LDB3: variants seen among roughly 807,000 people sequenced by gnomAD.
The protein encoded by LDB3 is LIM domain binding 3.
In LDB3, 49 loss-of-function variants were observed where a neutral mutation model predicts 69.0. The observed-to-expected ratio is 0.71, with a 90% confidence interval of 0.56 to 0.90. The LOEUF is 0.90. Ranked by LOEUF, LDB3 falls within the 40% of genes least tolerant of loss-of-function variation. The pLI, the probability that LDB3 is intolerant of heterozygous loss-of-function variation, is 0.00. For synonymous variants in LDB3, 387 were observed against 396.2 expected (o/e 0.98, Z 0.28); for missense variants, 928 against 974.1 (o/e 0.95, Z 0.63).
rs1175294794 is a variant in LDB3, at chr10:86,735,437, G to A, written c.*2461G>A. 6.6e-6 allele frequency: 1 copy of A among 152,124 alleles called. No individual in the cohort carries two copies. Among genetic ancestry groups the A allele is most frequent in the Non-Finnish European group, 1.5e-5 (1 of 68,044 alleles). The allele number at this position is 152,124 out of a possible 1,614,324, so 9.4% of individuals were successfully genotyped here. A position where few individuals can be genotyped will look rare whatever the true frequency, so the allele number is the denominator to read the frequency against. ...AAAATTTTTCATAATCCATGGTGGG[G>A]AGCACACTTTGGAGCTACATTTCTT... On this transcript the variant is annotated 3_prime_UTR_variant, in exon 14 of 14. Transcript: ENST00000361373.
At chr10:86,727,778 G>A (rs7079363) in intron 13 of LDB3, among the ~76,000 whole-genome samples, 2,081 of 151,550 alleles carry the variant, frequency 0.014, 43 homozygotes, top group African/African-American at 0.048. Context: ...TCCCCTCTGT[G>A]TGTGTCTTCA....
chr10:86,726,898 G>A (rs1847274241), intron 13 of LDB3, among the ~76,000 whole-genome samples: 1 of 152,120 alleles, frequency 6.6e-6, no homozygotes, highest in South Asian at 2.1e-4. Context: ...GTTTTGGGTT[G>A]GGGTGGGCAC....
Position 86,706,470 on chromosome 10 carries a change from G to T in LDB3, c.897-61G>T. On this transcript the variant is annotated intron_variant, in intron 7 of 13. Transcript: ENST00000361373. ...CTGCAGCCACCTGCCCCCATGCAGA[G>T]GGGCCTCACAGGGTCTCTAGGCTCC... 9 of 1,579,228 alleles carry T rather than the reference G, an allele frequency of 5.7e-6. 1 individual carries two copies. The South Asian group carries it at 8.8e-5, about 16-fold the overall frequency.
chr10:86,670,408 C>T (rs1235915123), intron 2 of LDB3, among the ~76,000 whole-genome samples: 1 of 152,142 alleles, frequency 6.6e-6, no homozygotes, highest in African/African-American at 2.4e-5. Context: ...TCTGTGTGCT[C>T]TCTCATGGGC....
At chr10:86,722,871 C>T (rs1046436295) in intron 12 of LDB3, among the ~76,000 whole-genome samples, 1 of 152,118 alleles carries the variant, frequency 6.6e-6, no homozygotes, top group South Asian at 2.1e-4. Flanking sequence ...CTGGCCAATT[C>T]AAGCCACTTT....
intron 7 of LDB3, among the ~76,000 whole-genome samples, chr10:86,693,217 T>C (rs997846284): frequency 1.9e-4 from 28 of 151,318 alleles, no homozygotes; most frequent in African/African-American, 6.9e-4. Flanking sequence ...CAGGTGCTCA[T>C]AGCATGAGGT....
Position 86,706,591 on chromosome 10 carries a change from T to G in LDB3, c.957T>G (p.Ala319=), listed in dbSNP as rs780011507. The G allele has an allele frequency of 6.2e-7, 1 of 1,613,194 alleles. No individual in the cohort carries two copies. The highest frequency in any genetic ancestry group is 8.5e-7 in the Non-Finnish European group (1 of 1,179,958). The change falls in exon 8 of 14, where the codon GCT becomes GCG. Residue 319 remains alanine (A), a synonymous_variant. Transcript: ENST00000361373. The part of the protein sequence containing the change: ...TSQATTPLLP[A]SAQPPAAASP... ...AGGCCACCACCCCGCTGCTGCCCGC[T>G]TCTGCCCAGCCACCTGCTGCTGCCT...
At chr10:86,697,938 C>T (rs1250358174) in intron 7 of LDB3, among the ~76,000 whole-genome samples, 1 of 152,160 alleles carries the variant, frequency 6.6e-6, no homozygotes, top group Non-Finnish European at 1.5e-5. Flanking sequence ...TTCCCTTTAC[C>T]CAGCTTCTCC....
In LDB3 at chr10:86,716,493, C is replaced by A. The variant is rs761923392; in HGVS notation, c.1398C>A (p.Ala466=). 1 of 1,611,970 alleles carries A rather than the reference C, an allele frequency of 6.2e-7. No individual in the cohort carries two copies. The highest frequency in any genetic ancestry group is 1.1e-5 in the South Asian group (1 of 90,952). Residue 466 remains alanine (A), a synonymous_variant, in exon 10 of 14, where the codon GCC becomes GCA. Coordinates refer to ENST00000361373, the MANE Select transcript of LDB3 (RefSeq NM_007078.3). The part of the protein sequence containing the change: ...SPAPAYTPSP[A]PNYNPAPSVA... Reference sequence around the variant, plus strand: ...CACCAGCCTATACCCCCTCACCTGCCCCCAACTATAACCCTGCACCCTCGG... The same window carrying A: ...CACCAGCCTATACCCCCTCACCTGCACCCAACTATAACCCTGCACCCTCGG...
intron 7 of LDB3, among the ~76,000 whole-genome samples, chr10:86,698,249 G>C (rs116800697): frequency 0.016 from 2,454 of 152,356 alleles, 52 homozygotes; most frequent in African/African-American, 0.049. Context: ...GGTCACCCAA[G>C]TGGTTGAGTG....
At chr10:86,678,047 G>A (rs544857089) in intron 2 of LDB3, among the ~76,000 whole-genome samples, 1 of 152,228 alleles carries the variant, frequency 6.6e-6, no homozygotes, top group Non-Finnish European at 1.5e-5. Flanking sequence ...TTGTTTGTTT[G>A]TTTGTTTTTA....
chr10:86,686,806 CAAA>C (rs3086887), intron 5 of LDB3, among the ~76,000 whole-genome samples: 7 of 133,140 alleles, frequency 5.3e-5, no homozygotes, highest in Admixed American at 7.6e-5. Context: ...GACCCTGTAT[CAAA>C]AAAAAAAAAA....
intron 12 of LDB3, among the ~76,000 whole-genome samples, chr10:86,720,832 C>T (rs911152271): frequency 2.0e-5 from 3 of 152,148 alleles, no homozygotes; most frequent in Non-Finnish European, 1.5e-5. Flanking sequence ...GTAAGAAGAT[C>T]CAGGAAGAAG....
intron 9 of LDB3, among the ~76,000 whole-genome samples, chr10:86,712,061 A>G (rs550798213): frequency 6.6e-6 from 1 of 152,124 alleles, no homozygotes; most frequent in South Asian, 2.1e-4. Context: ...CGTGACGGCG[A>G]GCCAGGCTGA....
At chr10:86,715,504 G>A (rs1846833964) in intron 9 of LDB3, among the ~76,000 whole-genome samples, 1 of 152,194 alleles carries the variant, frequency 6.6e-6, no homozygotes, top group East Asian at 1.9e-4. Flanking sequence ...GGAGCTGGAG[G>A]AGGGGGTGAT....
At chr10:86,720,666 C>A (rs1847050257) in intron 12 of LDB3, among the ~76,000 whole-genome samples, 1 of 152,166 alleles carries the variant, frequency 6.6e-6, no homozygotes, top group Non-Finnish European at 1.5e-5. Flanking sequence ...ATACAACTTG[C>A]TGTTATTCTT....
chr10:86,732,307 G>A (rs1462162384), intron 13 of LDB3, among the ~76,000 whole-genome samples: 1 of 151,944 alleles, frequency 6.6e-6, no homozygotes, highest in African/African-American at 2.4e-5. Flanking sequence ...TAGATAGCAT[G>A]AATTGGTCAG....
chr10:86,735,052 TACACACACACACACACACACACACAC>T lies in LDB3; in HGVS notation c.*2099_*2124del, dbSNP rs56209295. ...TTCCAAAATCTCTTTTTAAAGGGTT[TACACACACACACACACACACACACAC>T]ACACACACACACACACACACACGAT... On this transcript the variant is annotated 3_prime_UTR_variant, in exon 14 of 14. Transcript: ENST00000361373. The T allele has an allele frequency of 8.9e-6, 1 of 112,390 alleles. No individual in the cohort carries two copies. The highest frequency in any genetic ancestry group is 1.7e-5 in the Non-Finnish European group (1 of 57,436). The allele number at this position is 112,390 out of a possible 1,614,324, so 7.0% of individuals were successfully genotyped here.
intron 5 of LDB3, among the ~76,000 whole-genome samples, chr10:86,691,670 G>C (rs1181272612): frequency 6.6e-6 from 1 of 151,996 alleles, no homozygotes; most frequent in Non-Finnish European, 1.5e-5. Context: ...TGAGGGATCT[G>C]AGCCTCCTGT....
Sources: allele counts gnomAD v4.1 joint callset (sites outside exome capture counted in the v4.1 genomes callset), GRCh38; gene constraint gnomAD v4.1.1; transcripts MANE v1.5; gene names NCBI Gene and HGNC (gene_info 2026-07-23, HGNC 2026-07-21).